The following ZAP70 variants were observed in gnomAD, a reference collection of about 807,000 sequenced individuals.
ZAP70 encodes the protein tyrosine-protein kinase ZAP-70.
Under a neutral mutation model 65.8 loss-of-function variants are expected in ZAP70, and 27 were observed. That is an observed-to-expected ratio of 0.41 (90% CI 0.30 to 0.57). The LOEUF (loss-of-function observed/expected upper bound fraction) is 0.57, where lower values mean the gene tolerates loss of function less well. Ranked by LOEUF, ZAP70 falls within the 20% of genes least tolerant of loss-of-function variation. ZAP70 has a pLI of 0.28. For missense variants in ZAP70, 696 were observed against 870.5 expected (o/e 0.80, Z 2.52); for synonymous variants, 363 against 360.8 (o/e 1.01, Z -0.07).
rs200987112 is a variant in ZAP70 at position 97,739,502 on chromosome 2, C to T, written c.*4C>T. 1.1e-5 allele frequency: 17 copies of T among 1,611,856 alleles called. No homozygotes were observed. The highest frequency in any genetic ancestry group is 1.4e-5 in the Non-Finnish European group (16 of 1,179,432). On this transcript the variant is annotated 3_prime_UTR_variant, in exon 14 of 14. Transcript: ENST00000264972. Reference sequence around the variant, plus strand: ...GGCTGAGGCTGCCTGTGCCTGAGCTCCCGCTGCCCAGGGGAGCCCTCCACG... The same window carrying T: ...GGCTGAGGCTGCCTGTGCCTGAGCTTCCGCTGCCCAGGGGAGCCCTCCACG...
rs1161950573 is a variant in ZAP70 at position 97,731,852 on chromosome 2, A to G, written c.564-1031A>G. Among the ~76,000 whole-genome samples the G allele has an allele frequency of 6.6e-6, 1 of 152,150 alleles. No individual in the cohort carries two copies. The highest frequency in any genetic ancestry group is 1.5e-5 in the Non-Finnish European group (1 of 68,026). ...CAAGGGCTCTTCTGTAGTGCAGTGC[A>G]ATCCCTGAGATCAGGAGTCGGCTGC... On this transcript the variant is annotated intron_variant, in intron 4 of 13. Coordinates refer to ENST00000264972, the MANE Select transcript of ZAP70 (RefSeq NM_001079.4). This position sits in a 1 kb window ranked among gnomAD's most constrained non-coding sequence, Gnocchi z 4.0.
chr2:97,727,696 G>A (rs1677445613), intron 4 of ZAP70, among the ~76,000 whole-genome samples: 1 of 152,094 alleles, frequency 6.6e-6, no homozygotes, highest in African/African-American at 2.4e-5. Flanking sequence ...AAATTCATCT[G>A]TCTTCTTTGA....
At chr2:97,739,864 G>T, downstream of ZAP70, 1 of 283,878 alleles carries the variant, frequency 3.5e-6, no homozygotes, top group Non-Finnish European at 6.8e-6. Context: ...CCTCTTGTCT[G>T]AGCGCCCTCA....
chr2:97,754,744 C>T, the ZAP70 span, among the ~76,000 whole-genome samples: 1 of 152,146 alleles, frequency 6.6e-6, no homozygotes, highest in Non-Finnish European at 1.5e-5. Context: ...ATGAAGCTCA[C>T]CTGTATGTAG....
At chr2:97,722,385 A>C (rs1310469942) in intron 2 of ZAP70, among the ~76,000 whole-genome samples, 2 of 152,206 alleles carry the variant, frequency 1.3e-5, no homozygotes, top group African/African-American at 4.8e-5. Flanking sequence ...TCGGCCTCAC[A>C]TATTTTGAAT....
intron 13 of ZAP70, among the ~76,000 whole-genome samples, 191 bp from the exon 14 acceptor site, chr2:97,739,184 G>A (rs1678037249): frequency 6.6e-6 from 1 of 151,964 alleles, no homozygotes; most frequent in Non-Finnish European, 1.5e-5. Flanking sequence ...TCCTTAGGCT[G>A]TGTGGCATTG....
At chr2:97,750,266 C>T in the ZAP70 span, among the ~76,000 whole-genome samples, 1 of 152,206 alleles carries the variant, frequency 6.6e-6, no homozygotes, top group Non-Finnish European at 1.5e-5. Context: ...GGGCTTGTTG[C>T]TCCCTGCAGC....
At chr2:97,734,740 C>T (rs1166704340) in intron 9 of ZAP70, 28 bp downstream of exon 9, 2 of 1,611,354 alleles carry the variant, frequency 1.2e-6, no homozygotes, top group Non-Finnish European at 1.7e-6. Context: ...GTGGTGGGAG[C>T]ACCGCCGCCT....
At chr2:97,741,749 C>T (rs1259505176), downstream of ZAP70, among the ~76,000 whole-genome samples, 1 of 152,256 alleles carries the variant, frequency 6.6e-6, no homozygotes, top group Admixed American at 6.5e-5. Flanking sequence ...CCTTGACCCC[C>T]ATTCCCTTTA....
chr2:97,735,264 T>G lies in ZAP70; in HGVS notation c.1097T>G (p.Val366Gly). The stretch of plus-strand genomic sequence containing the variant: ...GGGTCGGGCAGGAAGCAGATCGACG[T>G]GGCCATCAAGGTGCTGAAGCAGGGC... ...VYRMRKKQIDVAIKVLKQGTE... is the reference protein window; with the variant it reads ...VYRMRKKQIDGAIKVLKQGTE... Residue 366 changes from valine (V) to glycine (G), a missense_variant, in exon 10 of 14, where the codon GTG (valine) becomes GGG (glycine). Around this residue, in one of 3 missense-constraint regions of ZAP70, gnomAD observed 551 missense variants for 630.0 expected, o/e 0.87. Coordinates refer to ENST00000264972, the MANE Select transcript of ZAP70 (RefSeq NM_001079.4). The G allele has an allele frequency of 6.2e-7, 1 of 1,613,912 alleles. No individual in the cohort carries two copies. Among genetic ancestry groups the G allele is most frequent in the Non-Finnish European group, 8.5e-7 (1 of 1,179,950 alleles).
rs1293391509 is a variant in ZAP70, at chr2:97,731,748, C to T, written c.564-1135C>T. Among the ~76,000 whole-genome samples the T allele has an allele frequency of 6.6e-6, 1 of 152,222 alleles. No individual in the cohort carries two copies. The highest frequency in any genetic ancestry group is 6.5e-5 in the Admixed American group (1 of 15,288). On this transcript the variant is annotated intron_variant, in intron 4 of 13. Transcript: ENST00000264972. The surrounding 1 kb of genome is among the most constrained non-coding windows in gnomAD (Gnocchi z 4.0). Reference sequence around the variant, plus strand: ...CCTGGCCTGTCAGTAAAGACTTGTCCAGTGAATGAACATCCACAGGCAGGG... The same window carrying T: ...CCTGGCCTGTCAGTAAAGACTTGTCTAGTGAATGAACATCCACAGGCAGGG...
chr2:97,740,515 C>A (rs949715027), downstream of ZAP70, among the ~76,000 whole-genome samples: 43 of 152,058 alleles, frequency 2.8e-4, no homozygotes, highest in African/African-American at 9.7e-4. Flanking sequence ...CTTTCATTGC[C>A]TTTTGGTCAT....
chr2:97,753,189 A>G, the ZAP70 span, among the ~76,000 whole-genome samples: 2 of 152,166 alleles, frequency 1.3e-5, no homozygotes, highest in South Asian at 4.1e-4. Context: ...TTCTTTACCT[A>G]CACTGTTTTG....
chr2:97,754,308 G>A, the ZAP70 span, among the ~76,000 whole-genome samples: 63 of 147,104 alleles, frequency 4.3e-4, no homozygotes, highest in African/African-American at 1.4e-3. Flanking sequence ...GAGTTTGGTC[G>A]GGGGGGGTCT....
At chr2:97,754,235 TAC>T in the ZAP70 span, among the ~76,000 whole-genome samples, 1 of 151,890 alleles carries the variant, frequency 6.6e-6, no homozygotes, top group African/African-American at 2.4e-5. Flanking sequence ...TTCTCCCAAG[TAC>T]ACAGTGTTTC....
the ZAP70 span, among the ~76,000 whole-genome samples, chr2:97,753,751 C>T: frequency 1.1e-4 from 16 of 152,082 alleles, no homozygotes; most frequent in South Asian, 4.1e-4. Flanking sequence ...GCAGGAGGAT[C>T]GCTTGCGCTC....
the ZAP70 span, among the ~76,000 whole-genome samples, chr2:97,747,815 GTTTTTTTTTTTTTTTTT>G: frequency 1.6e-3 from 85 of 54,798 alleles, 1 homozygote; most frequent in African/African-American, 6.8e-3. Context: ...CTGGCACGAG[GTTTTTTTTTTTTTTTTT>G]TTTTTTTTTT....
In ZAP70 at chr2:97,739,473, A is replaced by G. The variant is rs1160907260; in HGVS notation, c.1835A>G (p.Gln612Arg). 1.2e-6 allele frequency: 2 copies of G among 1,613,420 alleles called. No homozygotes were observed. The highest frequency in any genetic ancestry group is 1.7e-6 in the Non-Finnish European group (2 of 1,179,842). The change falls in exon 14 of 14, where the codon CAG (glutamine) becomes CGG (arginine). Residue 612 changes from glutamine to arginine, a missense_variant. Around this residue, in one of 3 missense-constraint regions of ZAP70, gnomAD observed 78 missense variants for 88.6 expected, o/e 0.88. Transcript: ENST00000264972. ...SKVEGPPGSTQKAEAACA is the reference protein window; with the variant it reads ...SKVEGPPGSTRKAEAACA The stretch of plus-strand genomic sequence containing the variant: ...GTGGAAGGGCCCCCAGGCAGCACAC[A>G]GAAGGCTGAGGCTGCCTGTGCCTGA...
the ZAP70 span, among the ~76,000 whole-genome samples, chr2:97,746,518 G>C: frequency 6.6e-6 from 1 of 152,216 alleles, no homozygotes; most frequent in South Asian, 2.1e-4. Flanking sequence ...GAGGTGAGCA[G>C]AACTTTCAGA....
Sources: gnomAD v4.1 joint callset for allele counts (sites outside exome capture counted in the v4.1 genomes callset) on GRCh38, gnomAD v4.1.1 for gene constraint, gnomAD v4.1.1 regional missense constraint, Gnocchi (gnomAD v3.1) non-coding constraint, MANE v1.5 for transcripts, NCBI Gene and HGNC (gene_info 2026-07-23, HGNC 2026-07-21) for gene names.